KCP: variants seen among roughly 807,000 people sequenced by gnomAD.
KCP encodes kielin/chordin-like protein.
A neutral mutation model predicts 212.7 loss-of-function variants in KCP; 194 were observed. The ratio of observed to expected loss-of-function variants is 0.91; its 90% CI spans 0.81 to 1.03. The LOEUF (loss-of-function observed/expected upper bound fraction) is 1.03, where lower values mean the gene tolerates loss of function less well. Ranked by LOEUF, KCP falls within the 50% of genes least tolerant of loss-of-function variation. The pLI is 0.00. For missense variants in KCP, 2,080 were observed against 2,162.5 expected (o/e 0.96, Z 0.76); for synonymous variants, 833 against 865.3 (o/e 0.96, Z 0.65).
chr7:128,890,847 G>A (rs1411366511), intron 20 of KCP, 58 bp downstream of exon 20: 3 of 1,183,566 alleles, frequency 2.5e-6, no homozygotes, highest in Admixed American at 4.0e-5. Flanking sequence ...AGGGCGCTCC[G>A]GGGCGGGGCG....
Position 128,894,352 on chromosome 7 carries a change from G to A in KCP, c.832-59C>T, listed in dbSNP as rs909029537. ...CAGGGCTCAACTGAGAGGTGGAAAT[G>A]GCATTAGAATCCCAGCTATCCACTT... On this transcript the variant is annotated intron_variant, in intron 8 of 39. Coordinates refer to ENST00000610776, the MANE Select transcript of KCP (RefSeq NM_001366122.1). The A allele has an allele frequency of 3.1e-5, 41 of 1,308,132 alleles. No individual in the cohort carries two copies. In the Middle Eastern group the frequency reaches 1.5e-3, roughly 48 times the overall value. The allele number at this position is 1,308,132 out of a possible 1,614,324, so 81.0% of individuals were successfully genotyped here.
chr7:128,878,505 C>T, intron 38 of KCP, 53 bp downstream of exon 38: 1 of 1,509,028 alleles, frequency 6.6e-7, no homozygotes, highest in South Asian at 1.3e-5. Context: ...CTCTGAGACT[C>T]ATGCTCAGCT....
intron 5 of KCP, 116 bp from the exon 6 acceptor site, chr7:128,904,254 G>GGGGCA (rs764443257): frequency 4.5e-6 from 7 of 1,542,718 alleles, no homozygotes; most frequent in Admixed American, 2.0e-5. Flanking sequence ...AAGGGATGGC[G>GGGGCA]GGGCAGGGCA....
rs1794076542 is a variant in KCP, at chr7:128,890,927, C to G, written c.2142G>C (p.Gly714=). 3 of 1,246,408 alleles carry G rather than the reference C, an allele frequency of 2.4e-6. No homozygotes were observed. In the South Asian group the frequency reaches 1.1e-4, roughly 46 times the overall value. The allele number at this position is 1,246,408 out of a possible 1,614,324, so 77.2% of individuals were successfully genotyped here. A position where few individuals can be genotyped will look rare whatever the true frequency, so the allele number is the denominator to read the frequency against. Reference sequence around the variant, plus strand: ...TACCGTCGCAGGAGGGGCAGCAAGGCCCCTGGCGCGGGTGCGCGCAGGGCG... The same window carrying G: ...TACCGTCGCAGGAGGGGCAGCAAGGGCCCTGGCGCGGGTGCGCGCAGGGCG... ...PPAPCAHPRQ[G]PCCPSCDGCL... is the part of the protein sequence containing the mutation. Residue 714 remains glycine (G), a synonymous_variant, in exon 20 of 40, where the codon GGG becomes GGC. Coordinates refer to ENST00000610776, the MANE Select transcript of KCP (RefSeq NM_001366122.1).
Position 128,890,386 on chromosome 7 carries a change from C to G in KCP, c.2292G>C (p.Leu764=). 3 of 1,551,338 alleles carry G rather than the reference C, an allele frequency of 1.9e-6. No individual in the cohort carries two copies. Among genetic ancestry groups the G allele is most frequent in the Non-Finnish European group, 2.6e-6 (3 of 1,146,996 alleles). Residue 764 remains leucine (L), a synonymous_variant, in exon 21 of 40, where the codon CTG becomes CTC. Coordinates refer to ENST00000610776, the MANE Select transcript of KCP (RefSeq NM_001366122.1). Reference sequence around the variant, plus strand: ...AGTCGCCCCTGGCAGGGAAGGGGCACAGTGCAGGGGCACATGCCTTGGGCT... The same window carrying G: ...AGTCGCCCCTGGCAGGGAAGGGGCAGAGTGCAGGGGCACATGCCTTGGGCT... ...SCEPKACAPA[L]CPFPARGDCC...
In KCP at chr7:128,888,865, T is replaced by C. The variant is rs941785816; in HGVS notation, c.2510A>G (p.Gln837Arg). The C allele has an allele frequency of 5.4e-5, 83 of 1,548,632 alleles. No homozygotes were observed. Among genetic ancestry groups the C allele is most frequent in the Non-Finnish European group, 7.1e-5 (81 of 1,146,522 alleles). The change falls in exon 22 of 40, where the codon CAG (glutamine) becomes CGG (arginine). Residue 837 changes from glutamine to arginine, a missense_variant and splice_region_variant. By Grantham distance (43) the Gln-to-Arg change is conservative. Coordinates refer to ENST00000610776, the MANE Select transcript of KCP (RefSeq NM_001366122.1). ...IPSGHCCPTC[Q>R]GCRYHGVTTA... ...TGGAAGGGCAGGTGTGGCTCTACCC[T>C]GGCAGGTCGGGCAGCAGTGCCCAGA...
intron 39 of KCP, 33 bp from the exon 40 acceptor site, chr7:128,877,344 GCA>G: frequency 6.6e-7 from 1 of 1,526,368 alleles, no homozygotes; most frequent in African/African-American, 1.4e-5. Context: ...GGTTACCAAG[GCA>G]CCTGAAACTG....
In KCP at chr7:128,877,091, T is replaced by C; in HGVS notation, c.4839A>G (p.Pro1613=). Residue 1613 remains proline, a synonymous_variant, in exon 40 of 40, where the codon CCA becomes CCG. Coordinates refer to ENST00000610776, the MANE Select transcript of KCP (RefSeq NM_001366122.1). ...GGCTGGGGCTGGGCCGAGCACCAAG[T>C]GGCTGGTCTCCAGTGAGCAGGACTT... ...CPQVLLTGDQ[P]LGARPSPSRE... 6.6e-7 allele frequency: 1 copy of C among 1,519,664 alleles called. No individual in the cohort carries two copies. The highest frequency in any genetic ancestry group is 1.3e-5 in the South Asian group (1 of 79,064). 94.1% of individuals were successfully genotyped at this position (1,519,664 alleles called of 1,614,324 possible).
chr7:128,910,483 G>A (rs1019664537), intron 1 of KCP, 118 bp downstream of exon 1: 198 of 960,928 alleles, frequency 2.1e-4, no homozygotes, highest in Non-Finnish European at 2.8e-4. Flanking sequence ...GGAGGCGCGC[G>A]AACCTCAGGC....
chr7:128,904,696 G>A (rs557046341), intron 5 of KCP, among the ~76,000 whole-genome samples: 2 of 152,330 alleles, frequency 1.3e-5, no homozygotes, highest in South Asian at 2.1e-4. Flanking sequence ...CCAACCCCGT[G>A]GCCCTGGGGC....
In KCP at chr7:128,879,899, CAG is replaced by C. The variant is rs1265055483; in HGVS notation, c.3932+12_3932+13del. 2 of 1,551,208 alleles carry C rather than the reference CAG, an allele frequency of 1.3e-6. No homozygotes were observed. The stretch of plus-strand genomic sequence containing the variant: ...GTGTAGGGGTTGGGGAGAAGAGAGA[CAG>C]GGGATGCACACCTGAAGTCCCCGCT... On this transcript the variant is annotated intron_variant, in intron 35 of 39. Transcript: ENST00000610776.
rs1298306565 is a variant in KCP at position 128,894,227 on chromosome 7, G to A, written c.898C>T (p.Pro300Ser). The change falls in exon 9 of 40, where the codon CCA (proline) becomes TCA (serine). Residue 300 changes from proline (P) to serine (S), a missense_variant. Coordinates refer to ENST00000610776, the MANE Select transcript of KCP (RefSeq NM_001366122.1). ...SLCPYPARPLPGTCCPVCDGC... is the reference protein window; with the variant it reads ...SLCPYPARPLSGTCCPVCDGC... ...TCACACACAGGGCAGCAGGTGCCTG[G>A]GAGGGGCCGGGCTGGGTATGGACAC... 12 of 1,539,174 alleles carry A rather than the reference G, an allele frequency of 7.8e-6. No individual in the cohort carries two copies. The South Asian group carries it at 9.7e-5, about 12-fold the overall frequency.
chr7:128,879,507 G>T lies in KCP; in HGVS notation c.4146+15C>A. 6.5e-7 allele frequency: 1 copy of T among 1,545,286 alleles called. No individual in the cohort carries two copies. The highest frequency in any genetic ancestry group is 2.4e-5 in the East Asian group (1 of 40,848). ...CCCAGCAGGCAGCCCACCCAGACTC[G>T]CCCTGGAGCCGCACCTGGAGCCCGG... On this transcript the variant is annotated intron_variant, in intron 37 of 39. Coordinates refer to ENST00000610776, the MANE Select transcript of KCP (RefSeq NM_001366122.1).
chr7:128,893,936 C>T (rs935068396), intron 10 of KCP, 37 bp from the exon 11 acceptor site: 1 of 1,549,624 alleles, frequency 6.5e-7, no homozygotes, highest in African/African-American at 1.4e-5. Context: ...CAGAGGCAGG[C>T]CCCGGAGCCA....
intron 8 of KCP, among the ~76,000 whole-genome samples, chr7:128,895,765 C>T (rs1794480857): frequency 6.6e-6 from 1 of 152,188 alleles, no homozygotes; most frequent in African/African-American, 2.4e-5. Context: ...CCCATCAGTG[C>T]CAAGACAGTT....
chr7:128,902,727 G>A (rs759386827), intron 8 of KCP, 50 bp downstream of exon 8: 1 of 1,458,742 alleles, frequency 6.9e-7, no homozygotes, highest in East Asian at 2.5e-5. Context: ...TGAATACAGT[G>A]GGCCTGAGGG....
intron 1 of KCP, among the ~76,000 whole-genome samples, chr7:128,910,390 C>A (rs892970928): frequency 2.6e-5 from 4 of 152,262 alleles, no homozygotes; most frequent in Non-Finnish European, 4.4e-5. Flanking sequence ...GCAGGAACCG[C>A]CCCCCTCTCC....
intron 22 of KCP, among the ~76,000 whole-genome samples, chr7:128,887,848 CACAT>C (rs984686485): frequency 5.0e-4 from 74 of 149,182 alleles, no homozygotes; most frequent in Admixed American, 2.7e-4. Flanking sequence ...CACACATACA[CACAT>C]ACCCACCTAC....
At position 128,892,002 on chromosome 7, in the gene KCP, C is replaced by T. The variant is rs187386782; in HGVS notation, c.1622-183G>A. ...TTGTGAGCACACACGAGTGTGCGTG[C>T]GCATTGGGGGTCATTCACCTGCAGG... On this transcript the variant is annotated intron_variant, in intron 16 of 39. Transcript: ENST00000610776. 4.9e-4 allele frequency among the ~76,000 whole-genome samples: 74 copies of T among 152,280 alleles called. 1 individual carries two copies. Among genetic ancestry groups the T allele is most frequent in the African/African-American group, 1.7e-3 (69 of 41,552 alleles).
Sources: gnomAD v4.1 joint callset for allele counts (sites outside exome capture counted in the v4.1 genomes callset) on GRCh38, gnomAD v4.1.1 for gene constraint, MANE v1.5 for transcripts, NCBI Gene and HGNC (gene_info 2026-07-23, HGNC 2026-07-21) for gene names.